BRWD1: variants seen among roughly 807,000 people sequenced by gnomAD.
BRWD1 encodes the protein bromodomain and WD repeat-containing protein 1.
In BRWD1, 82 loss-of-function variants were observed where a neutral mutation model predicts 251.2. The observed-to-expected ratio is 0.33, with a 90% CI of 0.27 to 0.39. BRWD1 has a LOEUF of 0.39. Ranked by LOEUF, BRWD1 falls within the 10% of genes least tolerant of loss-of-function variation. The pLI is 1.00. For missense variants in BRWD1, 2,233 were observed against 2,711.6 expected (o/e 0.82, Z 3.92); for synonymous variants, 918 against 902.8 (o/e 1.02, Z -0.30).
Position 39,206,161 on chromosome 21 carries a change from C to G in BRWD1, c.4311G>C (p.Arg1437Ser), listed in dbSNP as rs774430452. ...CTTTACAATTTTGCCGTTGCTTGAA[C>G]CTCTGGCTTCTTCGAAGTTTTTCAT... is the stretch of plus-strand genomic sequence containing the variant. ...KFNEKLRRSQ[R>S]FKQRQNCKGD... The change falls in exon 37 of 41, where the codon AGG becomes AGC. Residue 1437 changes from arginine (R) to serine (S), a missense_variant. Arg to Ser is a moderately radical substitution (Grantham distance 110). Around this residue, in one of 12 missense-constraint regions of BRWD1, gnomAD observed 928 missense variants for 970.0 expected, o/e 0.96. Coordinates refer to ENST00000342449, the MANE Select transcript of BRWD1 (RefSeq NM_033656.4). 5.6e-6 allele frequency: 9 copies of G among 1,613,748 alleles called. No individual in the cohort carries two copies. The highest frequency in any genetic ancestry group is 7.6e-6 in the Non-Finnish European group (9 of 1,179,906).
In BRWD1 at chr21:39,278,750, A is replaced by G; in HGVS notation, c.996T>C (p.Phe332=). 6.3e-7 allele frequency: 1 copy of G among 1,585,128 alleles called. No homozygotes were observed. Residue 332 remains phenylalanine, a synonymous_variant, in exon 10 of 41, where the codon TTT becomes TTC. Transcript: ENST00000342449. The stretch of plus-strand genomic sequence containing the variant: ...ATGTGAAGAAGTTCTTACCAACACT[A>G]AAAGAAGAACAAAGCATTTGAACGC... ...RPGVQMLCSS[F]SVGGMFLATG...
At chr21:39,306,298 T>C (rs2036286498) in intron 4 of BRWD1, among the ~76,000 whole-genome samples, 2 of 152,064 alleles carry the variant, frequency 1.3e-5, no homozygotes, top group African/African-American at 4.8e-5. Flanking sequence ...CTCGATCTCT[T>C]GACCTTGTGA....
intron 21 of BRWD1, among the ~76,000 whole-genome samples, chr21:39,242,098 A>G (rs2034025143): frequency 6.6e-6 from 1 of 152,254 alleles, no homozygotes; most frequent in Non-Finnish European, 1.5e-5. Flanking sequence ...CTCGCAATGT[A>G]GAAATGATTA....
chr21:39,270,581 C>G (rs553817176), intron 13 of BRWD1, 148 bp from the exon 14 acceptor site: 1 of 628,722 alleles, frequency 1.6e-6, no homozygotes, highest in South Asian at 2.7e-5. Context: ...TGACCCAGAA[C>G]AGACTGTCTA....
intron 13 of BRWD1, 68 bp downstream of exon 13, chr21:39,274,306 A>C (rs910362046): frequency 6.7e-6 from 1 of 149,692 alleles, no homozygotes; most frequent in Non-Finnish European, 1.1e-5. Context: ...ACAGAGAGCG[A>C]GAGAGAGAGA....
intron 21 of BRWD1, among the ~76,000 whole-genome samples, chr21:39,244,127 G>A (rs188027878): frequency 3.3e-5 from 5 of 151,696 alleles, no homozygotes; most frequent in South Asian, 4.2e-4. Context: ...GCAGTGGCGC[G>A]ATCTCGGCTC....
At chr21:39,298,655 T>C in intron 4 of BRWD1, 73 bp from the exon 5 acceptor site, 2 of 1,249,994 alleles carry the variant, frequency 1.6e-6, no homozygotes, top group East Asian at 2.6e-5. Context: ...GGGATAAGTC[T>C]GGCAAAATGT....
upstream of BRWD1, among the ~76,000 whole-genome samples, chr21:39,316,078 C>A (rs2036695594): frequency 6.6e-6 from 1 of 152,098 alleles, no homozygotes; most frequent in Non-Finnish European, 1.5e-5. Flanking sequence ...TTGAAAGATT[C>A]TAAGCCAGGA....
In BRWD1 at chr21:39,236,743, C is replaced by T. The variant is rs370519269; in HGVS notation, c.2618G>A (p.Gly873Asp). ...TCTTAAAGGAGGCTGCAAATTGATG[C>T]CCGCATCAGCTGTCCAATCGGAATA... Reference protein sequence around the residue: ...SRYSDWTADAGINLQPPLRTS... With the variant: ...SRYSDWTADADINLQPPLRTS... The change falls in exon 23 of 41, where the codon GGC becomes GAC. Residue 873 changes from glycine to aspartate, a missense_variant. Gly to Asp is a moderately conservative substitution (Grantham distance 94, BLOSUM62 -1). Transcript: ENST00000342449. 2 of 1,613,958 alleles carry T rather than the reference C, an allele frequency of 1.2e-6. No individual in the cohort carries two copies. The highest frequency in any genetic ancestry group is 1.7e-6 in the Non-Finnish European group (2 of 1,179,992).
At position 39,192,222 on chromosome 21, in the gene BRWD1, G is replaced by A. The variant is rs960380942; in HGVS notation, c.*4037C>T. The A allele has an allele frequency of 1.7e-5, 17 of 982,704 alleles. No homozygotes were observed. The highest frequency in any genetic ancestry group is 2.3e-4 in the East Asian group (2 of 8,754). 60.9% of individuals were successfully genotyped at this position (982,704 alleles called of 1,614,324 possible). ...TTAACAGCCTTTAAAACTTAAAATC[G>A]TAAGAAAAGACAACACAGCCCTTAG... On this transcript the variant is annotated 3_prime_UTR_variant, in exon 41 of 41. Transcript: ENST00000342449.
At chr21:39,278,688 T>C in intron 10 of BRWD1, 55 bp downstream of exon 10, 5 of 1,370,104 alleles carry the variant, frequency 3.6e-6, no homozygotes, top group Non-Finnish European at 5.0e-6. Flanking sequence ...CAAGTGGTCA[T>C]TTAATAGATG....
Position 39,298,567 on chromosome 21 carries a change from G to A in BRWD1, c.214C>T (p.His72Tyr). The change falls in exon 5 of 41, where the codon CAT (histidine) becomes TAT (tyrosine). Residue 72 changes from histidine (H) to tyrosine (Y), a missense_variant. This residue lies in a region of BRWD1 where 101 missense variants were observed against 95.6 expected (regional missense o/e 1.06). Coordinates refer to ENST00000342449, the MANE Select transcript of BRWD1 (RefSeq NM_033656.4). Reference protein sequence around the residue: ...SYEELVLSNKHVAPDHLLQIC... With the variant: ...SYEELVLSNKYVAPDHLLQIC... The stretch of plus-strand genomic sequence containing the variant: ...TGCAAAAGATGATCAGGAGCCACAT[G>A]CTTATTGGACAAGACCTAGTTGGAG... 1 of 1,598,616 alleles carries A rather than the reference G, an allele frequency of 6.3e-7. No individual in the cohort carries two copies. Among genetic ancestry groups the A allele is most frequent in the South Asian group, 1.1e-5 (1 of 88,024 alleles).
chr21:39,285,871 CAAAAA>C (rs113834787), intron 8 of BRWD1, among the ~76,000 whole-genome samples: 3 of 101,474 alleles, frequency 3.0e-5, no homozygotes, highest in African/African-American at 1.1e-4. Flanking sequence ...GCCCAGTCAA[CAAAAA>C]AAAAAAAAAA....
chr21:39,217,075 A>AT (rs2032970437), intron 31 of BRWD1: 1 of 9,532 alleles, frequency 1.0e-4, no homozygotes, highest in African/African-American at 4.1e-4. Flanking sequence ...ATATATATAT[A>AT]TATATATATT....
rs1568912543 is a variant in BRWD1 at position 39,247,826 on chromosome 21, A to G, written c.2356T>C (p.Ser786Pro). The G allele has an allele frequency of 6.3e-7, 1 of 1,598,900 alleles. No homozygotes were observed. Among genetic ancestry groups the G allele is most frequent in the Non-Finnish European group, 8.5e-7 (1 of 1,174,092 alleles). Reference protein sequence around the residue: ...KTLQLSHKSDSVVLVSQSRQR... With the variant: ...KTLQLSHKSDPVVLVSQSRQR... ...CTAGACTGTGATACCAAAACCACTG[A>G]ATCCGACTGAAACACAGAAAAACAT... Residue 786 changes from serine to proline, a missense_variant, in exon 21 of 41, where the codon TCA becomes CCA. Coordinates refer to ENST00000342449, the MANE Select transcript of BRWD1 (RefSeq NM_033656.4).
chr21:39,235,123 C>T (rs2033763904), intron 23 of BRWD1, among the ~76,000 whole-genome samples: 1 of 152,092 alleles, frequency 6.6e-6, no homozygotes, highest in Non-Finnish European at 1.5e-5. Context: ...GTTGCGTGGG[C>T]CTGTAGTCCC....
upstream of BRWD1, among the ~76,000 whole-genome samples, chr21:39,318,207 A>C (rs372400702): frequency 6.6e-6 from 1 of 152,194 alleles, no homozygotes; most frequent in East Asian, 1.9e-4. Flanking sequence ...ATATGAATGC[A>C]TATCTAGAAA....
chr21:39,299,962 C>T (rs764554017), intron 4 of BRWD1, among the ~76,000 whole-genome samples: 15 of 151,698 alleles, frequency 9.9e-5, no homozygotes, highest in Admixed American at 3.3e-4. Context: ...ACAGCCTGGG[C>T]GACAAGAGTG....
intron 34 of BRWD1, among the ~76,000 whole-genome samples, chr21:39,212,317 C>T (rs1390608541): frequency 6.6e-6 from 1 of 152,156 alleles, no homozygotes; most frequent in Non-Finnish European, 1.5e-5. Flanking sequence ...CCAATCATAA[C>T]AGCCAGACAC....
Sources: allele counts gnomAD v4.1 joint callset (sites outside exome capture counted in the v4.1 genomes callset), GRCh38; gene constraint gnomAD v4.1.1; regional missense constraint gnomAD v4.1.1; transcripts MANE v1.5; gene names NCBI Gene and HGNC (gene_info 2026-07-23, HGNC 2026-07-21).